Variants in HDAC9 observed in about 807,000 individuals in gnomAD.
HDAC9 encodes MEF-2 interacting transcription repressor (MITR) protein.
Under a neutral mutation model 139.4 loss-of-function variants are expected in HDAC9, and 41 were observed. The ratio of observed to expected loss-of-function variants is 0.29; its 90% confidence interval spans 0.23 to 0.38. HDAC9 has a LOEUF of 0.38. Among genes scored for constraint, HDAC9 ranks in the 10% least tolerant of loss-of-function variants. HDAC9 has a pLI of 1.00. For missense variants in HDAC9, 1,147 were observed against 1,297.0 expected (o/e 0.88, Z 1.78); for synonymous variants, 517 against 476.2 (o/e 1.09, Z -1.12).
chr7:18,885,066 G>T (rs1041846074), intron 22 of HDAC9, among the ~76,000 whole-genome samples: 1 of 152,172 alleles, frequency 6.6e-6, no homozygotes. Context: ...CAAGCAATAC[G>T]TTGGGAATTA....
chr7:18,885,278 ACATTAATTT>A (rs1306919393), intron 22 of HDAC9, among the ~76,000 whole-genome samples: 1 of 152,200 alleles, frequency 6.6e-6, no homozygotes, highest in Non-Finnish European at 1.5e-5. Context: ...TGAAAAGGGA[ACATTAATTT>A]CATCCTGGCT....
At chr7:18,377,242 A>G (rs144907065) in intron 1 of HDAC9, among the ~76,000 whole-genome samples, 119 of 152,226 alleles carry the variant, frequency 7.8e-4, no homozygotes, top group African/African-American at 2.8e-3. Flanking sequence ...AAGGGCACCA[A>G]TCCCATACAT....
intron 1 of HDAC9, among the ~76,000 whole-genome samples, chr7:18,350,807 C>T (rs944594560): frequency 1.3e-5 from 2 of 152,112 alleles, no homozygotes; most frequent in East Asian, 1.9e-4. Flanking sequence ...CAGGTGCTGC[C>T]GTGAAGCTGT....
chr7:18,954,444 T>C (rs1783011730), intron 24 of HDAC9: 1 of 447,790 alleles, frequency 2.2e-6, no homozygotes, highest in Admixed American at 4.2e-5. Flanking sequence ...CTTGTTTTTC[T>C]CATGTATTTC....
intron 1 of HDAC9, among the ~76,000 whole-genome samples, chr7:18,298,544 T>C (rs1660524163): frequency 6.6e-6 from 1 of 152,166 alleles, no homozygotes; most frequent in Admixed American, 6.5e-5. Flanking sequence ...GTTTGGTTTT[T>C]TGTTCTTATG....
At chr7:18,978,691 G>A (rs1377128067) in intron 25 of HDAC9, among the ~76,000 whole-genome samples, 1 of 152,248 alleles carries the variant, frequency 6.6e-6, no homozygotes, top group African/African-American at 2.4e-5. Context: ...GAAGCAAGAA[G>A]TTTTCTTATT....
intron 2 of HDAC9, among the ~76,000 whole-genome samples, chr7:18,175,961 G>T (rs922710859): frequency 6.6e-6 from 1 of 152,068 alleles, no homozygotes; most frequent in Admixed American, 6.5e-5. Context: ...GTGAGCTGGG[G>T]ATTTTTCCTT....
intron 1 of HDAC9, among the ~76,000 whole-genome samples, chr7:18,427,700 CTT>C (rs1248522301): frequency 1.4e-5 from 2 of 143,950 alleles, no homozygotes; most frequent in Non-Finnish European, 1.5e-5. Context: ...CTTTCTTCTT[CTT>C]TTTTTTTTTT....
chr7:18,224,217 A>T (rs991778046), intron 2 of HDAC9, among the ~76,000 whole-genome samples: 1 of 152,146 alleles, frequency 6.6e-6, no homozygotes, highest in African/African-American at 2.4e-5. Context: ...TATGAATATT[A>T]TGCTAGTTCA....
chr7:18,404,368 G>A (rs979671824), intron 1 of HDAC9, among the ~76,000 whole-genome samples: 1 of 151,984 alleles, frequency 6.6e-6, no homozygotes, highest in Non-Finnish European at 1.5e-5. Flanking sequence ...TCATGTAAAC[G>A]ATTTATCCTG....
chr7:18,855,019 G>T (rs922529672), intron 21 of HDAC9, among the ~76,000 whole-genome samples: 2 of 152,096 alleles, frequency 1.3e-5, no homozygotes, highest in African/African-American at 4.8e-5. Flanking sequence ...ATGGGAAAAT[G>T]GATGCAATTG....
chr7:18,168,897 T>TTTTGTGTG (rs1351720169), intron 2 of HDAC9, among the ~76,000 whole-genome samples: 9 of 94,340 alleles, frequency 9.5e-5, no homozygotes, highest in African/African-American at 5.2e-4. Context: ...TTTTTTTTTT[T>TTTTGTGTG]TGTGTGTGTG....
chr7:18,769,156 C>T (rs1047673303), intron 16 of HDAC9, among the ~76,000 whole-genome samples: 1 of 152,138 alleles, frequency 6.6e-6, no homozygotes, highest in East Asian at 1.9e-4. Context: ...GAGGCCATCT[C>T]CCTAGGACTC....
At chr7:18,938,140 T>G (rs1781770272) in intron 23 of HDAC9, among the ~76,000 whole-genome samples, 1 of 150,038 alleles carries the variant, frequency 6.7e-6, no homozygotes, top group South Asian at 2.1e-4. Flanking sequence ...ACACTGCTTT[T>G]GTAGAGCAAT....
chr7:18,484,958 GT>G (rs1227790072), intron 1 of HDAC9, among the ~76,000 whole-genome samples: 2 of 151,862 alleles, frequency 1.3e-5, no homozygotes, highest in African/African-American at 4.8e-5. Flanking sequence ...TTATAAGCAA[GT>G]ACCATTGAGA....
At chr7:18,144,753 T>TC (rs1482468256) in intron 1 of HDAC9, among the ~76,000 whole-genome samples, 1 of 152,138 alleles carries the variant, frequency 6.6e-6, no homozygotes, top group Non-Finnish European at 1.5e-5. Context: ...TCTTTCCATC[T>TC]CCTCTCCAGC....
chr7:18,367,340 C>A (rs1290409591), intron 1 of HDAC9, among the ~76,000 whole-genome samples: 3 of 151,996 alleles, frequency 2.0e-5, no homozygotes, highest in Non-Finnish European at 4.4e-5. Context: ...CCCTGTTCTT[C>A]CTATTTTTCA....
At chr7:18,260,883 T>G (rs1346008003) in intron 2 of HDAC9, among the ~76,000 whole-genome samples, 1 of 152,180 alleles carries the variant, frequency 6.6e-6, no homozygotes, top group Non-Finnish European at 1.5e-5. Flanking sequence ...AAGCTCTTAC[T>G]TTAGAAGTCA....
intron 2 of HDAC9, among the ~76,000 whole-genome samples, chr7:18,241,090 G>A (rs1186090004): frequency 2.0e-5 from 3 of 152,136 alleles, no homozygotes; most frequent in Admixed American, 6.5e-5. Flanking sequence ...TGAGATGGTC[G>A]TTCTTTCTAG....
Sources: allele counts gnomAD v4.1 joint callset (sites outside exome capture counted in the v4.1 genomes callset), GRCh38; gene constraint gnomAD v4.1.1; transcripts MANE v1.5; gene names NCBI Gene and HGNC (gene_info 2026-07-23, HGNC 2026-07-21).